RTL4: variants seen among roughly 807,000 people sequenced by gnomAD.
RTL4 encodes retrotransposon Gag like 4.
A neutral mutation model predicts 5.3 loss-of-function variants in RTL4; 4 were observed. That is an observed-to-expected ratio of 0.75 (90% CI 0.37 to 1.72). RTL4 has a LOEUF of 1.72. Among genes scored for constraint, RTL4 ranks in the 40% most tolerant of loss-of-function variants. The pLI is 0.04. For missense variants in RTL4, 260 were observed against 227.1 expected (o/e 1.14, Z -0.93); for synonymous variants, 98 against 87.3 (o/e 1.12, Z -0.68).
chrX:112,185,165 TCTAG>T, the RTL4 span, among the ~76,000 whole-genome samples: 2 of 109,735 alleles, frequency 1.8e-5, no homozygotes, highest in Non-Finnish European at 3.8e-5. Context: ...TGATTCCCAA[TCTAG>T]TGTACTTTAT....
chrX:112,393,241 T>C, the RTL4 span, among the ~76,000 whole-genome samples: 1 of 103,531 alleles, frequency 9.7e-6, no homozygotes, highest in African/African-American at 3.6e-5. Flanking sequence ...TGGCGCGATC[T>C]CGGCTCACTG....
chrX:112,262,185 A>T, the RTL4 span, among the ~76,000 whole-genome samples: 62 of 112,110 alleles, frequency 5.5e-4, no homozygotes, highest in African/African-American at 1.9e-3. Context: ...AAGCCAAAAT[A>T]GACAAATGGG....
the RTL4 span, among the ~76,000 whole-genome samples, chrX:112,428,298 G>A: frequency 9.0e-6 from 1 of 111,726 alleles, no homozygotes; most frequent in African/African-American, 3.2e-5. Context: ...TAGTGGAATT[G>A]CTGGATCAAA....
chrX:112,253,628 A>G, the RTL4 span, among the ~76,000 whole-genome samples: 1 of 112,083 alleles, frequency 8.9e-6, no homozygotes, highest in African/African-American at 3.2e-5. Context: ...ATTACATTTC[A>G]GTGACCTTAG....
chrX:112,294,422 C>A, the RTL4 span, among the ~76,000 whole-genome samples: 3 of 110,955 alleles, frequency 2.7e-5, no homozygotes, highest in Admixed American at 9.6e-5. Flanking sequence ...CATGGTGAAA[C>A]CTGTCTCTAC....
At chrX:112,211,731 G>T in the RTL4 span, among the ~76,000 whole-genome samples, 1 of 111,993 alleles carries the variant, frequency 8.9e-6, no homozygotes, top group Non-Finnish European at 1.9e-5. Context: ...CTTCCTCTTT[G>T]CTTCCCTCTC....
chrX:112,425,737 A>G, the RTL4 span, among the ~76,000 whole-genome samples: 1 of 111,705 alleles, frequency 9.0e-6, no homozygotes, highest in African/African-American at 3.2e-5. Context: ...CTTTGGTGAG[A>G]TATCTGTTCA....
chrX:112,373,973 T>C, the RTL4 span, among the ~76,000 whole-genome samples: 1 of 111,316 alleles, frequency 9.0e-6, no homozygotes, highest in Non-Finnish European at 1.9e-5. Context: ...TTTCTTTTTA[T>C]TGATGAGTAG....
At chrX:112,339,724 G>T in the RTL4 span, among the ~76,000 whole-genome samples, 1 of 112,588 alleles carries the variant, frequency 8.9e-6, no homozygotes, top group Non-Finnish European at 1.9e-5. Context: ...CAGGAAAACT[G>T]CAGGATGAAA....
chrX:112,084,889 T>A, the RTL4 span, among the ~76,000 whole-genome samples: 1 of 112,194 alleles, frequency 8.9e-6, no homozygotes, highest in Non-Finnish European at 1.9e-5. Context: ...TGGATAAGGT[T>A]AAAATTTCTT....
the RTL4 span, among the ~76,000 whole-genome samples, chrX:112,255,907 G>A: frequency 2.7e-5 from 3 of 111,591 alleles, no homozygotes; most frequent in African/African-American, 6.5e-5. Flanking sequence ...TCTAGGTATG[G>A]CTGAAACAGT....
At chrX:112,169,402 C>T in the RTL4 span, among the ~76,000 whole-genome samples, 1 of 111,403 alleles carries the variant, frequency 9.0e-6, no homozygotes, top group Non-Finnish European at 1.9e-5. Context: ...GCGTGAGCCA[C>T]TGCACCTGGC....
chrX:112,387,845 G>C, the RTL4 span, among the ~76,000 whole-genome samples: 1 of 111,578 alleles, frequency 9.0e-6, no homozygotes, highest in African/African-American at 3.3e-5. Context: ...GTTTGAAGTT[G>C]GGTAACATGA....
the RTL4 span, among the ~76,000 whole-genome samples, chrX:112,349,471 G>A: frequency 1.8e-5 from 2 of 109,478 alleles, no homozygotes; most frequent in African/African-American, 3.3e-5. Flanking sequence ...CCATTTTCAC[G>A]ATATTGATTC....
the RTL4 span, among the ~76,000 whole-genome samples, chrX:112,402,042 G>A: frequency 3.6e-5 from 4 of 111,789 alleles, no homozygotes; most frequent in Non-Finnish European, 7.5e-5. Context: ...TTCTAGCTTA[G>A]TGTACCTTCT....
the RTL4 span, among the ~76,000 whole-genome samples, chrX:112,144,789 T>C: frequency 1.8e-5 from 2 of 111,669 alleles, no homozygotes; most frequent in Non-Finnish European, 3.8e-5. Context: ...ATATCTCCCA[T>C]GTAGCTGAAT....
chrX:112,448,049 A>G, the RTL4 span, among the ~76,000 whole-genome samples: 2 of 111,982 alleles, frequency 1.8e-5, no homozygotes, highest in African/African-American at 6.5e-5. Flanking sequence ...AATCCAAAAA[A>G]AAGTTTGAAT....
chrX:112,348,530 C>A, the RTL4 span, among the ~76,000 whole-genome samples: 1 of 109,875 alleles, frequency 9.1e-6, no homozygotes, highest in Non-Finnish European at 1.9e-5. Context: ...AAGGAACAAA[C>A]CACATAACTA....
At chrX:112,328,046 A>G in the RTL4 span, among the ~76,000 whole-genome samples, 1 of 108,961 alleles carries the variant, frequency 9.2e-6, no homozygotes, top group Non-Finnish European at 1.9e-5. Flanking sequence ...CAGCTGCTGC[A>G]AAATCATGCC....
Sources: gnomAD v4.1 joint callset for allele counts (sites outside exome capture counted in the v4.1 genomes callset) on GRCh38, gnomAD v4.1.1 for gene constraint, MANE v1.5 for transcripts, NCBI Gene and HGNC (gene_info 2026-07-23, HGNC 2026-07-21) for gene names.